The following CRY1 variants were observed in gnomAD, a reference collection of about 807,000 sequenced individuals.
The protein encoded by CRY1 is cryptochrome circadian regulator 1, also known as cryptochrome-1.
CRY1 carries 45 observed loss-of-function variants against 76.0 expected under a neutral mutation model. The observed-to-expected ratio is 0.59, with a 90% CI of 0.47 to 0.76. The LOEUF (loss-of-function observed/expected upper bound fraction) is 0.76, where lower values mean the gene tolerates loss of function less well. CRY1 is among the 30% of genes least tolerant of loss of function. The probability of loss-of-function intolerance (pLI) is 0.00; values close to 1 mark genes in which losing one functional copy is unlikely to be tolerated. For synonymous variants in CRY1, 248 were observed against 244.0 expected (o/e 1.02, Z -0.15); for missense variants, 587 against 716.4 (o/e 0.82, Z 2.06).
chr12:107,034,715 C>T (rs558532729), intron 1 of CRY1, among the ~76,000 whole-genome samples: 17 of 151,634 alleles, frequency 1.1e-4, no homozygotes, highest in East Asian at 1.9e-4. Flanking sequence ...CAACCTGTAA[C>T]GGAAGAGGAA....
At chr12:106,999,447 A>C in intron 7 of CRY1, 104 bp downstream of exon 7, 1 of 1,096,208 alleles carries the variant, frequency 9.1e-7, no homozygotes, top group Non-Finnish European at 1.3e-6. Flanking sequence ...CCACTGAAAA[A>C]CTACACCATA....
At chr12:107,008,379 T>C (rs555208671) in intron 2 of CRY1, among the ~76,000 whole-genome samples, 110 of 152,336 alleles carry the variant, frequency 7.2e-4, no homozygotes, top group African/African-American at 2.5e-3. Flanking sequence ...TTATGCTAGA[T>C]GCCCCTCTCC....
At position 106,992,872 on chromosome 12, in the gene CRY1, G is replaced by C. The variant is rs780904119; in HGVS notation, c.1676C>G (p.Thr559Ser). The C allele has an allele frequency of 2.2e-5, 36 of 1,613,852 alleles. No individual in the cohort carries two copies. The Admixed American group carries it at 5.5e-4, about 25-fold the overall frequency. ...AGGACGTTTCCCACCACTGAGACCA[G>C]TGCCCATGGAGCTTCTTCCTGCACA... ...LLKQGRSSMG[T>S]GLSGGKRPSQ... Residue 559 changes from threonine to serine, a missense_variant, in exon 12 of 13, where the codon ACT becomes AGT. Physicochemically the swap from Thr to Ser is moderately conservative, Grantham distance 58 (BLOSUM62 1). Coordinates refer to ENST00000008527, the MANE Select transcript of CRY1 (RefSeq NM_004075.5).
intron 1 of CRY1, among the ~76,000 whole-genome samples, chr12:107,056,974 T>C (rs12367069): frequency 0.16 from 24,855 of 152,000 alleles, 2,192 homozygotes; most frequent in East Asian, 0.28. Flanking sequence ...CTCCAAAAGA[T>C]GTCACTAAAA....
At chr12:106,999,043 CA>C (rs778236677) in intron 7 of CRY1, among the ~76,000 whole-genome samples, 1,985 of 52,676 alleles carry the variant, frequency 0.038, 25 homozygotes, top group African/African-American at 0.1. Flanking sequence ...GACTCCGTCT[CA>C]AAAAAAAAAA....
At chr12:107,087,446 G>A (rs1953416672) in intron 1 of CRY1, among the ~76,000 whole-genome samples, 1 of 152,242 alleles carries the variant, frequency 6.6e-6, no homozygotes, top group Non-Finnish European at 1.5e-5. Flanking sequence ...TTGGACCAGT[G>A]TGCTCAGTTA....
chr12:107,074,805 A>G (rs1268982548), intron 1 of CRY1, among the ~76,000 whole-genome samples: 1 of 152,200 alleles, frequency 6.6e-6, no homozygotes, highest in Admixed American at 6.5e-5. Context: ...ACCTGAGTTC[A>G]GGAGTTCAAG....
intron 2 of CRY1, among the ~76,000 whole-genome samples, chr12:107,009,367 C>T (rs973506072): frequency 1.8e-4 from 27 of 151,424 alleles, no homozygotes; most frequent in Middle Eastern, 3.4e-3. Flanking sequence ...GGTGAAACCC[C>T]GTCTCCAATA....
chr12:107,089,395 C>T (rs563334680), intron 1 of CRY1, among the ~76,000 whole-genome samples: 234 of 152,066 alleles, frequency 1.5e-3, no homozygotes, highest in African/African-American at 5.2e-3. Context: ...AGTGCAGTAG[C>T]CCATTCATAG....
intron 2 of CRY1, among the ~76,000 whole-genome samples, chr12:107,013,396 G>A (rs1465105857): frequency 6.6e-6 from 1 of 152,096 alleles, no homozygotes; most frequent in Admixed American, 6.6e-5. Context: ...ATTAAGGTGT[G>A]TATTTTTTTT....
chr12:107,002,847 G>T (rs945564420), intron 3 of CRY1, among the ~76,000 whole-genome samples: 4 of 152,116 alleles, frequency 2.6e-5, no homozygotes, highest in Non-Finnish European at 5.9e-5. Context: ...TTAAAAGGGG[G>T]AGTTACCCTG....
chr12:107,054,352 G>A (rs1952958055), intron 1 of CRY1, among the ~76,000 whole-genome samples: 1 of 151,418 alleles, frequency 6.6e-6, no homozygotes, highest in African/African-American at 2.4e-5. Flanking sequence ...CTAAAATAAT[G>A]TGTAATTATT....
Position 107,092,776 on chromosome 12 carries a change from A to C in CRY1, c.158+28T>G, listed in dbSNP as rs1953487444. ...AACATCAGACTCATTAAACACCCAA[A>C]TCCATTTCCCACGGGCTTGTGACTC... On this transcript the variant is annotated intron_variant, in intron 1 of 12. Coordinates refer to ENST00000008527, the MANE Select transcript of CRY1 (RefSeq NM_004075.5). 3.1e-6 allele frequency: 5 copies of C among 1,610,006 alleles called. No individual in the cohort carries two copies. The East Asian group carries it at 1.1e-4, about 36-fold the overall frequency.
chr12:107,063,174 C>T (rs1953068138), intron 1 of CRY1, among the ~76,000 whole-genome samples: 1 of 152,102 alleles, frequency 6.6e-6, no homozygotes, highest in South Asian at 2.1e-4. Flanking sequence ...GCAAGAAATG[C>T]AGTGTACACA....
chr12:107,075,071 C>T (rs1452615764), intron 1 of CRY1, among the ~76,000 whole-genome samples: 2 of 151,944 alleles, frequency 1.3e-5, no homozygotes, highest in Admixed American at 6.6e-5. Flanking sequence ...TCCAATTTAT[C>T]AATTCACACA....
At chr12:107,026,920 G>C (rs1175698955) in intron 1 of CRY1, among the ~76,000 whole-genome samples, 2 of 151,934 alleles carry the variant, frequency 1.3e-5, no homozygotes, top group Non-Finnish European at 2.9e-5. Flanking sequence ...ATGTGACTTT[G>C]AACTATGATT....
chr12:107,092,962 GCC>G lies in CRY1; in HGVS notation c.-3_-2del. 2.6e-6 allele frequency: 4 copies of G among 1,539,838 alleles called. No homozygotes were observed. In the South Asian group the frequency reaches 5.0e-5, roughly 19 times the overall value. The stretch of plus-strand genomic sequence containing the variant: ...ACCAGTGCACGGCGTTCACCCCCAT[GCC>G]GGGGGGCGCGGCGGGTCCTCCACGG... On this transcript the variant is annotated 5_prime_UTR_variant, in exon 1 of 13. Transcript: ENST00000008527.
chr12:107,036,465 C>T (rs576363136), intron 1 of CRY1, among the ~76,000 whole-genome samples: 43 of 152,128 alleles, frequency 2.8e-4, no homozygotes, highest in Admixed American at 3.9e-4. Flanking sequence ...GATCTCACTG[C>T]TTCCATACTT....
chr12:107,086,476 T>C (rs1043376935), intron 1 of CRY1, among the ~76,000 whole-genome samples: 12 of 152,198 alleles, frequency 7.9e-5, no homozygotes, highest in Non-Finnish European at 1.5e-4. Flanking sequence ...AGGCTACCCC[T>C]TCCATCACAG....
Sources: allele counts gnomAD v4.1 joint callset (sites outside exome capture counted in the v4.1 genomes callset), GRCh38; gene constraint gnomAD v4.1.1; transcripts MANE v1.5; gene names NCBI Gene and HGNC (gene_info 2026-07-23, HGNC 2026-07-21).